Variants in SKAP2 observed in about 807,000 individuals in gnomAD.
SKAP2 encodes src kinase-associated phosphoprotein 2.
SKAP2 carries 28 observed loss-of-function variants against 54.9 expected under a neutral mutation model. The observed-to-expected ratio is 0.51, with a 90% CI of 0.38 to 0.70. The LOEUF (loss-of-function observed/expected upper bound fraction) is 0.70, where lower values mean the gene tolerates loss of function less well. SKAP2 is among the 30% of genes least tolerant of loss of function. The pLI is 0.00. For synonymous variants in SKAP2, 137 were observed against 134.3 expected, an observed-to-expected ratio of 1.02 and a Z score of -0.14; for missense variants, 356 against 424.1, an observed-to-expected ratio of 0.84 and a Z score of 1.41.
At chr7:26,703,837 C>T (rs2127947035) in intron 9 of SKAP2, among the ~76,000 whole-genome samples, 1 of 152,264 alleles carries the variant, frequency 6.6e-6, no homozygotes, top group East Asian at 1.9e-4. Context: ...CATAGAAACA[C>T]TTAAGTAACT....
At position 26,864,417 on chromosome 7, in the gene SKAP2, T is replaced by G. The variant is rs754298536; in HGVS notation, c.13A>C (p.Ser5Arg). ...AGGGGGTAGGGAGAGGAGGTGCTGC[T>G]GGGGTTGGGCATGTTAGGGAGCGCA... Reference protein sequence around the residue: MPNPSSTSSPYPLPE... With the variant: MPNPRSTSSPYPLPE... The change falls in exon 1 of 13, where the codon AGC (serine) becomes CGC (arginine). Residue 5 changes from serine to arginine, a missense_variant. By Grantham distance (110) the Ser-to-Arg change is moderately radical. Coordinates refer to ENST00000345317, the MANE Select transcript of SKAP2 (RefSeq NM_003930.5). The G allele has an allele frequency of 2.5e-6, 4 of 1,609,916 alleles. No individual in the cohort carries two copies. Among genetic ancestry groups the G allele is most frequent in the Non-Finnish European group, 2.5e-6 (3 of 1,177,926 alleles).
chr7:26,853,106 T>C (rs1304899163), intron 3 of SKAP2, among the ~76,000 whole-genome samples: 2 of 152,170 alleles, frequency 1.3e-5, no homozygotes, highest in Non-Finnish European at 2.9e-5. Flanking sequence ...CCTTCAATCA[T>C]ACCAATCTTG....
At chr7:26,671,935 A>G (rs1786252887) in intron 11 of SKAP2, among the ~76,000 whole-genome samples, 2 of 152,180 alleles carry the variant, frequency 1.3e-5, no homozygotes, top group African/African-American at 4.8e-5. Flanking sequence ...TGCTTAAAAA[A>G]ACACACGTAC....
At chr7:26,738,594 T>C (rs142122503) in intron 6 of SKAP2, among the ~76,000 whole-genome samples, 8 of 152,278 alleles carry the variant, frequency 5.3e-5, no homozygotes, top group Non-Finnish European at 1.0e-4. Flanking sequence ...TACAACACAA[T>C]TGTTTTAGCT....
intron 4 of SKAP2, among the ~76,000 whole-genome samples, chr7:26,758,658 G>A (rs1057254101): frequency 6.6e-6 from 1 of 152,024 alleles, no homozygotes; most frequent in African/African-American, 2.4e-5. Context: ...AAGCTTTCCT[G>A]TTGTGACATA....
chr7:26,827,977 A>T (rs1784525070), intron 4 of SKAP2, among the ~76,000 whole-genome samples: 1 of 152,190 alleles, frequency 6.6e-6, no homozygotes, highest in Non-Finnish European at 1.5e-5. Context: ...ATACATTCAT[A>T]CATACATACA....
chr7:26,747,284 A>G (rs1782578035), intron 4 of SKAP2, among the ~76,000 whole-genome samples: 1 of 152,208 alleles, frequency 6.6e-6, no homozygotes. Flanking sequence ...AAAACAAAAA[A>G]GCTCACACCA....
intron 9 of SKAP2, among the ~76,000 whole-genome samples, chr7:26,723,196 T>G (rs767763896): frequency 7.2e-5 from 11 of 152,210 alleles, no homozygotes; most frequent in Non-Finnish European, 1.5e-4. Flanking sequence ...TTTCAGACAT[T>G]TAATCAAACA....
intron 6 of SKAP2, among the ~76,000 whole-genome samples, chr7:26,729,252 C>A (rs1254886606): frequency 6.6e-6 from 1 of 152,002 alleles, no homozygotes; most frequent in Non-Finnish European, 1.5e-5. Context: ...CAGAGAGAAG[C>A]CACAAATCCA....
At chr7:26,748,559 C>A (rs1480029743) in intron 4 of SKAP2, among the ~76,000 whole-genome samples, 1 of 152,054 alleles carries the variant, frequency 6.6e-6, no homozygotes, top group Non-Finnish European at 1.5e-5. Flanking sequence ...TCCTCAGCAA[C>A]TCTTTATCTG....
At chr7:26,707,801 T>C (rs1787197424) in intron 9 of SKAP2, among the ~76,000 whole-genome samples, 1 of 152,176 alleles carries the variant, frequency 6.6e-6, no homozygotes, top group African/African-American at 2.4e-5. Context: ...TGGGGCTTCC[T>C]GTGAGAAATC....
At chr7:26,813,169 G>A (rs1197882985) in intron 4 of SKAP2, among the ~76,000 whole-genome samples, 4 of 152,080 alleles carry the variant, frequency 2.6e-5, no homozygotes, top group Non-Finnish European at 5.9e-5. Context: ...GTTGGAGACT[G>A]CAAACACCCA....
intron 1 of SKAP2, among the ~76,000 whole-genome samples, chr7:26,862,819 T>C (rs1785297011): frequency 6.6e-6 from 1 of 152,128 alleles, no homozygotes; most frequent in African/African-American, 2.4e-5. Context: ...CCCAGAGGTC[T>C]ATATGTTATT....
At chr7:26,690,252 T>C (rs1786752652) in intron 10 of SKAP2, 33 bp downstream of exon 10, 1 of 1,419,536 alleles carries the variant, frequency 7.0e-7, no homozygotes, top group Non-Finnish European at 1.0e-6. Context: ...AAAAGCAAAA[T>C]AAGGTTTGCC....
At chr7:26,799,094 GCAAGGCAAGGCAAGGCAAGA>G (rs1401053082) in intron 4 of SKAP2, among the ~76,000 whole-genome samples, 1 of 140,968 alleles carries the variant, frequency 7.1e-6, no homozygotes, top group Non-Finnish European at 1.6e-5. Context: ...GCAGGGCAGG[GCAAGGCAAGGCAAGGCAAGA>G]CAAGGCAAGG....
chr7:26,725,771 A>C (rs1787693292), intron 8 of SKAP2, 152 bp downstream of exon 8: 6 of 801,870 alleles, frequency 7.5e-6, no homozygotes, highest in African/African-American at 3.5e-5. Context: ...GATGCTGTTT[A>C]AAATCTGAAG....
At chr7:26,796,495 C>T (rs1183888201) in intron 4 of SKAP2, among the ~76,000 whole-genome samples, 1 of 152,204 alleles carries the variant, frequency 6.6e-6, no homozygotes, top group Non-Finnish European at 1.5e-5. Context: ...TACAAAGTGC[C>T]ACTGGTGATG....
chr7:26,812,951 T>C (rs947212612), intron 4 of SKAP2, among the ~76,000 whole-genome samples: 6 of 152,132 alleles, frequency 3.9e-5, no homozygotes, highest in African/African-American at 1.4e-4. Context: ...TGTTGAGTTA[T>C]AAATACCTCT....
chr7:26,740,938 A>G (rs1277806609), intron 4 of SKAP2, among the ~76,000 whole-genome samples: 2 of 152,134 alleles, frequency 1.3e-5, no homozygotes, highest in African/African-American at 4.8e-5. Context: ...CAGTGAGCCA[A>G]GATCACGCCA....
Sources: gnomAD v4.1 joint callset for allele counts (sites outside exome capture counted in the v4.1 genomes callset) on GRCh38, gnomAD v4.1.1 for gene constraint, MANE v1.5 for transcripts, NCBI Gene and HGNC (gene_info 2026-07-23, HGNC 2026-07-21) for gene names.